ADGRB3: variants seen among roughly 807,000 people sequenced by gnomAD.
ADGRB3 encodes the protein adhesion G protein-coupled receptor B3.
A neutral mutation model predicts 193.4 loss-of-function variants in ADGRB3; 37 were observed. The observed-to-expected ratio is 0.19, with a 90% CI of 0.15 to 0.25. The LOEUF is 0.25. Ranked by LOEUF, ADGRB3 falls within the 10% of genes least tolerant of loss-of-function variation. ADGRB3 has a pLI of 1.00. For missense variants in ADGRB3, 1,637 were observed against 1,852.9 expected (o/e 0.88, Z 2.14); for synonymous variants, 690 against 644.2 (o/e 1.07, Z -1.08).
chr6:69,221,795 G>A (rs901600994), intron 17 of ADGRB3, among the ~76,000 whole-genome samples: 43 of 152,028 alleles, frequency 2.8e-4, no homozygotes, highest in Admixed American at 6.6e-5. Context: ...CTTGGTAATG[G>A]TAGTGTTTAG....
At chr6:69,087,175 G>A (rs1292845425) in intron 17 of ADGRB3, among the ~76,000 whole-genome samples, 1 of 152,028 alleles carries the variant, frequency 6.6e-6, no homozygotes. Context: ...AAAAGGAATT[G>A]CATTTATTTT....
At chr6:68,920,493 G>A (rs1222007860) in intron 3 of ADGRB3, among the ~76,000 whole-genome samples, 1 of 134,794 alleles carries the variant, frequency 7.4e-6, no homozygotes, top group African/African-American at 2.8e-5. Flanking sequence ...CTCCAGCCTC[G>A]GCGACAGAGA....
intron 3 of ADGRB3, among the ~76,000 whole-genome samples, chr6:68,850,694 G>A (rs1227046190): frequency 1.3e-5 from 2 of 151,940 alleles, no homozygotes; most frequent in African/African-American, 4.8e-5. Context: ...TTATTGTTAT[G>A]CTGTATTACC....
chr6:68,836,988 A>G (rs999358290), intron 3 of ADGRB3, among the ~76,000 whole-genome samples: 6 of 152,198 alleles, frequency 3.9e-5, no homozygotes, highest in Admixed American at 1.3e-4. Context: ...ATCTTAATTT[A>G]CAGAATATGA....
intron 3 of ADGRB3, among the ~76,000 whole-genome samples, chr6:68,680,582 A>C (rs951465652): frequency 1.3e-5 from 2 of 152,124 alleles, no homozygotes; most frequent in Admixed American, 6.5e-5. Context: ...TTGAGGCTCC[A>C]CTCTGAATGG....
At chr6:69,074,616 C>G (rs1181213572) in intron 16 of ADGRB3, among the ~76,000 whole-genome samples, 1 of 150,900 alleles carries the variant, frequency 6.6e-6, no homozygotes, top group Non-Finnish European at 1.5e-5. Context: ...TCTCGGCTCA[C>G]TCACTGCAAG....
chr6:69,372,911 A>G (rs1769735950), intron 30 of ADGRB3, among the ~76,000 whole-genome samples: 1 of 151,506 alleles, frequency 6.6e-6, no homozygotes, highest in Admixed American at 6.6e-5. Context: ...TCTGCGGTAC[A>G]TTTGATGCTT....
chr6:68,715,631 G>T (rs1765476752), intron 3 of ADGRB3, among the ~76,000 whole-genome samples: 1 of 151,712 alleles, frequency 6.6e-6, no homozygotes, highest in Non-Finnish European at 1.5e-5. Context: ...TGAAAGGAGG[G>T]AAAGAAATTG....
chr6:68,772,878 CAAACAAAA>C lies in ADGRB3; in HGVS notation c.757+133450_757+133457del, dbSNP rs1313200874. On this transcript the variant is annotated intron_variant, in intron 3 of 31. Transcript: ENST00000370598. Reference sequence around the variant, plus strand: ...AAAAACAAACAAACAAACAAACAAACAAACAAAAAAAAAAAAATATATATATATATATA... The same window carrying C: ...AAAAACAAACAAACAAACAAACAAACAAAAAAAAATATATATATATATATA... Among the ~76,000 whole-genome samples, 156 of 15,630 alleles carry C rather than the reference CAAACAAAA, an allele frequency of 1.0e-2. 2 individuals carry two copies. The highest frequency in any genetic ancestry group is 0.046 in the East Asian group (35 of 754). 10.3% of individuals were successfully genotyped at this position (15,630 alleles called of 152,430 possible). A position where few individuals can be genotyped will look rare whatever the true frequency, so the allele number is the denominator to read the frequency against.
intron 3 of ADGRB3, among the ~76,000 whole-genome samples, chr6:68,643,787 G>T (rs962371799): frequency 3.3e-5 from 5 of 151,862 alleles, no homozygotes; most frequent in African/African-American, 1.2e-4. Context: ...ACAAAAATTA[G>T]CCAGGCATGG....
chr6:69,276,171 A>G (rs1235570644), intron 20 of ADGRB3, among the ~76,000 whole-genome samples: 1 of 152,246 alleles, frequency 6.6e-6, no homozygotes, highest in African/African-American at 2.4e-5. Context: ...GGAATTCTAC[A>G]ACATCTGGAA....
At chr6:69,074,819 A>G (rs1772182439) in intron 16 of ADGRB3, among the ~76,000 whole-genome samples, 1 of 152,088 alleles carries the variant, frequency 6.6e-6, no homozygotes, top group African/African-American at 2.4e-5. Flanking sequence ...TGCTGGGATT[A>G]CAGGCGTGAG....
intron 29 of ADGRB3, among the ~76,000 whole-genome samples, chr6:69,362,196 A>G (rs944196171): frequency 6.6e-6 from 1 of 151,948 alleles, no homozygotes; most frequent in Non-Finnish European, 1.5e-5. Flanking sequence ...TCATAAGGCC[A>G]CCAAAAGCAA....
chr6:68,970,658 A>T (rs1036208210), intron 8 of ADGRB3, among the ~76,000 whole-genome samples: 1 of 151,658 alleles, frequency 6.6e-6, no homozygotes, highest in Non-Finnish European at 1.5e-5. Flanking sequence ...GCCTAGCACC[A>T]TGTTACATTA....
chr6:69,329,659 G>A (rs994871841), intron 22 of ADGRB3, among the ~76,000 whole-genome samples: 1 of 152,130 alleles, frequency 6.6e-6, no homozygotes, highest in Non-Finnish European at 1.5e-5. Flanking sequence ...ATAGTTAAAG[G>A]GTCAAATGTC....
intron 3 of ADGRB3, among the ~76,000 whole-genome samples, chr6:68,657,657 ATACT>A (rs2127284957): frequency 6.6e-6 from 1 of 151,566 alleles, no homozygotes; most frequent in Admixed American, 6.6e-5. Context: ...TCTACTTAAA[ATACT>A]TACTCAACTT....
chr6:68,957,543 A>G (rs549732546), intron 8 of ADGRB3, among the ~76,000 whole-genome samples: 5 of 152,312 alleles, frequency 3.3e-5, no homozygotes, highest in African/African-American at 1.2e-4. Context: ...TATAGTGCCA[A>G]CGTGCTGAAC....
At chr6:69,256,476 G>T (rs1766774100) in intron 20 of ADGRB3, among the ~76,000 whole-genome samples, 1 of 152,220 alleles carries the variant, frequency 6.6e-6, no homozygotes, top group Admixed American at 6.5e-5. Context: ...TTGTGAATGG[G>T]CGTTCACTCA....
intron 3 of ADGRB3, among the ~76,000 whole-genome samples, chr6:68,771,149 G>A (rs1479305549): frequency 6.6e-6 from 1 of 151,850 alleles, no homozygotes; most frequent in Non-Finnish European, 1.5e-5. Flanking sequence ...TTAAATTTTT[G>A]CTATGTAAAC....
Sources: allele counts gnomAD v4.1 joint callset (sites outside exome capture counted in the v4.1 genomes callset), GRCh38; gene constraint gnomAD v4.1.1; transcripts MANE v1.5; gene names NCBI Gene and HGNC (gene_info 2026-07-23, HGNC 2026-07-21).